EFL1: variants seen among roughly 807,000 people sequenced by gnomAD.
EFL1 encodes elongation factor like GTPase 1.
EFL1 carries 76 observed loss-of-function variants against 126.7 expected under a neutral mutation model. The ratio of observed to expected loss-of-function variants is 0.60; its 90% CI spans 0.50 to 0.73. The LOEUF is 0.73. Among genes scored for constraint, EFL1 ranks in the 30% least tolerant of loss-of-function variants. The pLI, the probability that EFL1 is intolerant of heterozygous loss-of-function variation, is 0.00. For missense variants in EFL1, 1,128 were observed against 1,343.2 expected, an observed-to-expected ratio of 0.84 and a Z score of 2.50; for synonymous variants, 410 against 448.4, an observed-to-expected ratio of 0.91 and a Z score of 1.08.
At chr15:82,202,390 A>C (rs1356271667) in intron 15 of EFL1, among the ~76,000 whole-genome samples, 1 of 152,174 alleles carries the variant, frequency 6.6e-6, no homozygotes, top group Non-Finnish European at 1.5e-5. Context: ...TAAGTGCTTC[A>C]CTTATCATTT....
At chr15:82,189,174 G>T (rs1370643328) in intron 15 of EFL1, among the ~76,000 whole-genome samples, 1 of 152,068 alleles carries the variant, frequency 6.6e-6, no homozygotes, top group Middle Eastern at 3.2e-3. Flanking sequence ...TAAGACAATG[G>T]TAAGTATTTC....
chr15:82,153,687 G>T (rs1452293287), intron 17 of EFL1, among the ~76,000 whole-genome samples: 3 of 152,100 alleles, frequency 2.0e-5, no homozygotes, highest in African/African-American at 7.2e-5. Flanking sequence ...AAGTTACTCA[G>T]TACATTAAAG....
intron 16 of EFL1, among the ~76,000 whole-genome samples, chr15:82,160,766 G>A (rs911729796): frequency 6.6e-6 from 1 of 152,182 alleles, no homozygotes; most frequent in Non-Finnish European, 1.5e-5. Flanking sequence ...CTCTGAGGCA[G>A]TGATCTGAAT....
intron 4 of EFL1, among the ~76,000 whole-genome samples, chr15:82,247,908 A>G (rs1320807958): frequency 6.6e-6 from 1 of 152,098 alleles, no homozygotes; most frequent in African/African-American, 2.4e-5. Context: ...GACGTGCATA[A>G]CAATCCCTAG....
chr15:82,171,346 G>A (rs1343453090), intron 15 of EFL1, among the ~76,000 whole-genome samples: 1 of 152,140 alleles, frequency 6.6e-6, no homozygotes, highest in East Asian at 1.9e-4. Context: ...AATAGGCAGT[G>A]TAGTGACAGC....
Position 82,151,741 on chromosome 15 carries a change from G to T in EFL1, c.2713C>A (p.Gln905Lys). 6.2e-7 allele frequency: 1 copy of T among 1,614,076 alleles called. No homozygotes were observed. Among genetic ancestry groups the T allele is most frequent in the Non-Finnish European group, 8.5e-7 (1 of 1,180,034 alleles). Residue 905 changes from glutamine (Q) to lysine (K), a missense_variant, in exon 18 of 20, where the codon CAA (glutamine) becomes AAA (lysine). By Grantham distance (53) the Gln-to-Lys change is moderately conservative. Transcript: ENST00000268206. ...TCTTTTGCCAGATCACTTGCTCCTT[G>T]TTCCTCAAATTTACTTAGGTCCCAT... is the stretch of plus-strand genomic sequence containing the variant. ...EKWDLSKFEE[Q>K]GASDLAKEGQ...
rs1481232280 is a variant in EFL1 at position 82,151,747 on chromosome 15, CA to C, written c.2706del (p.Phe902LeufsTer60). 6.2e-7 allele frequency: 1 copy of C among 1,614,116 alleles called. No homozygotes were observed. Among genetic ancestry groups the C allele is most frequent in the Admixed American group, 1.7e-5 (1 of 60,004 alleles). ...GCCAGATCACTTGCTCCTTGTTCCT[CA>C]AATTTACTTAGGTCCCATTTTTCCA... ...FVLEKWDLSK[F>X]EEQGASDLAK... On this transcript the variant is annotated frameshift_variant, in exon 18 of 20. Transcript: ENST00000268206. LOFTEE classifies it high-confidence loss of function.
intron 14 of EFL1, among the ~76,000 whole-genome samples, chr15:82,219,135 A>G (rs1869034351): frequency 6.6e-6 from 1 of 152,230 alleles, no homozygotes; most frequent in African/African-American, 2.4e-5. Context: ...GTTCTGAGAC[A>G]TCTCTAGCCT....
At chr15:82,139,701 TTC>T (rs1416269690) in intron 18 of EFL1, among the ~76,000 whole-genome samples, 3 of 152,244 alleles carry the variant, frequency 2.0e-5, no homozygotes, top group Non-Finnish European at 4.4e-5. Flanking sequence ...CTTTAAAGCC[TTC>T]TCTTTCACCT....
chr15:82,217,305 T>C (rs571194498), intron 14 of EFL1, among the ~76,000 whole-genome samples: 3 of 132,172 alleles, frequency 2.3e-5, no homozygotes, highest in Admixed American at 9.0e-5. Flanking sequence ...GTATATTCCC[T>C]AGAATTTCTT....
At chr15:82,250,653 T>C (rs923431712) in intron 4 of EFL1, among the ~76,000 whole-genome samples, 25 of 151,794 alleles carry the variant, frequency 1.6e-4, no homozygotes, top group Non-Finnish European at 3.2e-4. Flanking sequence ...AGGATAATAG[T>C]GGAAATACAA....
Position 82,211,593 on chromosome 15 carries a change from T to C in EFL1, c.1750+3124A>G, listed in dbSNP as rs1567064838. Among the ~76,000 whole-genome samples the C allele has an allele frequency of 1.5e-3, 84 of 54,476 alleles. 3 individuals carry two copies. Among genetic ancestry groups the C allele is most frequent in the East Asian group, 0.014 (40 of 2,938 alleles). The allele number at this position is 54,476 out of a possible 152,430, so 35.7% of individuals were successfully genotyped here. ...ACACACACACACACTAGACACATAC[T>C]AGACACACACACACACACACACACA... On this transcript the variant is annotated intron_variant, in intron 15 of 19. Coordinates refer to ENST00000268206, the MANE Select transcript of EFL1 (RefSeq NM_024580.6).
At chr15:82,237,881 G>C (rs1199435005) in intron 7 of EFL1, among the ~76,000 whole-genome samples, 2 of 152,090 alleles carry the variant, frequency 1.3e-5, no homozygotes, top group African/African-American at 4.8e-5. Context: ...TAAGTCTCTA[G>C]AGAATCATGC....
At chr15:82,225,358 T>C (rs1004417352) in intron 11 of EFL1, 94 bp from the exon 12 acceptor site, 6 of 939,216 alleles carry the variant, frequency 6.4e-6, no homozygotes, top group African/African-American at 3.4e-5. Flanking sequence ...GTTTAGAACA[T>C]GGATGGCATC....
At chr15:82,228,375 AAACAGG>A in intron 9 of EFL1, 48 bp from the exon 10 acceptor site, 1 of 1,572,714 alleles carries the variant, frequency 6.4e-7, no homozygotes, top group South Asian at 1.2e-5. Context: ...ATGCAGATAT[AAACAGG>A]CAGTGGAACC....
chr15:82,209,316 GACACACACACAC>G (rs57128885), intron 15 of EFL1, among the ~76,000 whole-genome samples: 42,840 of 146,288 alleles, frequency 0.29, 6,910 homozygotes, highest in African/African-American at 0.37. Flanking sequence ...CACAGACACA[GACACACACACAC>G]ACACACACAC....
chr15:82,171,071 C>T (rs899641741), intron 15 of EFL1, among the ~76,000 whole-genome samples: 2 of 152,150 alleles, frequency 1.3e-5, no homozygotes, highest in Admixed American at 1.3e-4. Flanking sequence ...CCTTTAAACC[C>T]TAAATATTTC....
chr15:82,143,596 C>T (rs895079943), intron 18 of EFL1, among the ~76,000 whole-genome samples: 1 of 152,288 alleles, frequency 6.6e-6, no homozygotes, highest in Admixed American at 6.5e-5. Context: ...AGATGGGCTT[C>T]AATCAAATAG....
chr15:82,169,783 T>G (rs1303544453), intron 15 of EFL1, among the ~76,000 whole-genome samples: 1 of 152,206 alleles, frequency 6.6e-6, no homozygotes, highest in Non-Finnish European at 1.5e-5. Flanking sequence ...TTCAACTTTC[T>G]GTTAGTCTTT....
Sources: allele counts gnomAD v4.1 joint callset (sites outside exome capture counted in the v4.1 genomes callset), GRCh38; gene constraint gnomAD v4.1.1; transcripts MANE v1.5; gene names NCBI Gene and HGNC (gene_info 2026-07-23, HGNC 2026-07-21).